Variants in ARHGAP20 observed in about 807,000 individuals in gnomAD.
ARHGAP20 encodes the protein Rho GTPase activating protein 20.
Under a neutral mutation model 73.7 loss-of-function variants are expected in ARHGAP20, and 34 were observed. The observed-to-expected ratio is 0.46, with a 90% CI of 0.35 to 0.61. The LOEUF (loss-of-function observed/expected upper bound fraction) is 0.61, where lower values mean the gene tolerates loss of function less well. Ranked by LOEUF, ARHGAP20 falls within the 20% of genes least tolerant of loss-of-function variation. The pLI is 0.00. For synonymous variants in ARHGAP20, 523 were observed against 518.2 expected (o/e 1.01, Z -0.13); for missense variants, 1,314 against 1,420.9 (o/e 0.92, Z 1.21).
intron 1 of ARHGAP20, among the ~76,000 whole-genome samples, chr11:110,704,004 C>T (rs1329315748): frequency 1.3e-5 from 2 of 151,860 alleles, no homozygotes; most frequent in African/African-American, 2.4e-5. Context: ...GACACAACCG[C>T]AACAGTTGGG....
Position 110,605,691 on chromosome 11 carries a change from C to CT in ARHGAP20, c.964+869dup, listed in dbSNP as rs547958350. The stretch of plus-strand genomic sequence containing the variant: ...TCACACACAGATGAAGAATTTCAGA[C>CT]TTTCCCCTGGCACTCAGATGATGCC... On this transcript the variant is annotated intron_variant, in intron 9 of 14. Coordinates refer to ENST00000683387, the MANE Select transcript of ARHGAP20 (RefSeq NM_001384657.1). 1.1e-3 allele frequency among the ~76,000 whole-genome samples: 160 copies of CT among 152,316 alleles called. 1 individual carries two copies. The highest frequency in any genetic ancestry group is 3.5e-3 in the African/African-American group (145 of 41,580).
chr11:110,584,908 T>TATATATGAATATATATGA (rs148560625), intron 12 of ARHGAP20, among the ~76,000 whole-genome samples: 7 of 148,804 alleles, frequency 4.7e-5, no homozygotes, highest in Non-Finnish European at 1.0e-4. Flanking sequence ...TATATGTGAA[T>TATATATGAATATATATGA]ATATATATGA....
chr11:110,693,136 T>C (rs544572496), intron 1 of ARHGAP20, among the ~76,000 whole-genome samples: 1 of 152,008 alleles, frequency 6.6e-6, no homozygotes, highest in African/African-American at 2.4e-5. Flanking sequence ...ATTTGTATAA[T>C]AGTGAATAGA....
rs1038271454 is a variant in ARHGAP20, at chr11:110,701,138, A to G, written c.106-10509T>C. ...GATGGCTGGGTCAAATGGTATTTCT[A>G]GTTCTAGATCCCTGAGGAATCGCCA... On this transcript the variant is annotated intron_variant, in intron 1 of 14. Coordinates refer to ENST00000683387, the MANE Select transcript of ARHGAP20 (RefSeq NM_001384657.1). Among the ~76,000 whole-genome samples the G allele has an allele frequency of 3.3e-3, 496 of 151,806 alleles. 5 individuals are homozygous for G. The highest frequency in any genetic ancestry group is 0.012 in the African/African-American group (479 of 41,180).
intron 9 of ARHGAP20, among the ~76,000 whole-genome samples, chr11:110,604,528 C>G (rs1296580888): frequency 6.6e-6 from 1 of 152,114 alleles, no homozygotes. Flanking sequence ...TTGAAAAACA[C>G]AGGTGCAAAG....
intron 1 of ARHGAP20, among the ~76,000 whole-genome samples, chr11:110,699,317 T>A (rs1282411490): frequency 6.6e-6 from 1 of 151,914 alleles, no homozygotes; most frequent in Non-Finnish European, 1.5e-5. Context: ...ACTTCTTTAA[T>A]GGCCAAGCAT....
chr11:110,605,724 T>G (rs118072709), intron 9 of ARHGAP20, among the ~76,000 whole-genome samples: 3,415 of 152,338 alleles, frequency 0.022, 59 homozygotes, highest in Non-Finnish European at 0.035. Flanking sequence ...GCCAATAATC[T>G]GTCAAGTGGC....
At chr11:110,646,616 T>C (rs1949199444) in intron 2 of ARHGAP20, among the ~76,000 whole-genome samples, 1 of 152,194 alleles carries the variant, frequency 6.6e-6, no homozygotes, top group Admixed American at 6.6e-5. Context: ...TAAAGGAATA[T>C]TTTAATCCAG....
Position 110,712,208 on chromosome 11 carries a change from C to A in ARHGAP20, c.24G>T (p.Gln8His). ...GCCCCGGCTGTCCCCCTAGAGTCTCCTGCTGGGGGGACATCGCTTCCATGA... is the reference window on the plus strand; with the variant it reads ...GCCCCGGCTGTCCCCCTAGAGTCTCATGCTGGGGGGACATCGCTTCCATGA... MEAMSPQ[Q>H]ETLGGQPGRS... The change falls in exon 1 of 15, where the codon CAG becomes CAT. Residue 8 changes from glutamine to histidine, a missense_variant. By Grantham distance (24) the Gln-to-His change is conservative. Transcript: ENST00000683387. 7.3e-7 allele frequency: 1 copy of A among 1,368,454 alleles called. No homozygotes were observed. Among genetic ancestry groups the A allele is most frequent in the Non-Finnish European group, 9.5e-7 (1 of 1,053,806 alleles). 84.8% of individuals were successfully genotyped at this position (1,368,454 alleles called of 1,614,324 possible).
intron 2 of ARHGAP20, among the ~76,000 whole-genome samples, chr11:110,680,162 T>A (rs960706807): frequency 2.6e-5 from 4 of 152,182 alleles, no homozygotes; most frequent in African/African-American, 7.2e-5. Context: ...AATTAACTCA[T>A]TTAATCCCCT....
At chr11:110,709,051 T>C (rs140886000) in intron 1 of ARHGAP20, among the ~76,000 whole-genome samples, 23 of 152,118 alleles carry the variant, frequency 1.5e-4, no homozygotes, top group Non-Finnish European at 2.8e-4. Flanking sequence ...CTCCCCTAAT[T>C]AGGAGAGAGG....
intron 1 of ARHGAP20, among the ~76,000 whole-genome samples, chr11:110,711,220 G>A (rs565778032): frequency 6.6e-6 from 1 of 152,086 alleles, no homozygotes; most frequent in African/African-American, 2.4e-5. Context: ...CACAGCGGCC[G>A]TGTTTATCGG....
chr11:110,620,784 A>G (rs564082077), intron 4 of ARHGAP20, among the ~76,000 whole-genome samples: 8 of 152,236 alleles, frequency 5.3e-5, no homozygotes, highest in African/African-American at 1.9e-4. Flanking sequence ...AATGTATTCC[A>G]TTGTCAGCTG....
chr11:110,588,043 T>C (rs1947716818), intron 11 of ARHGAP20, among the ~76,000 whole-genome samples: 4 of 152,214 alleles, frequency 2.6e-5, no homozygotes, highest in Admixed American at 2.0e-4. Flanking sequence ...GTGGAAAACA[T>C]ACTTATGATC....
In ARHGAP20 at chr11:110,582,364, G is replaced by C; in HGVS notation, c.1677C>G (p.Phe559Leu). Residue 559 changes from phenylalanine to leucine, a missense_variant, in exon 14 of 15, where the codon TTC becomes TTG. By Grantham distance (22) the Phe-to-Leu change is conservative. Coordinates refer to ENST00000683387, the MANE Select transcript of ARHGAP20 (RefSeq NM_001384657.1). ...TGTCACATCTCACTGAAACCTCTCTGAAGAGGGAAGTGATTTCTTCTCCAA... is the reference window on the plus strand; with the variant it reads ...TGTCACATCTCACTGAAACCTCTCTCAAGAGGGAAGTGATTTCTTCTCCAA... ...RIFGEEITSL[F>L]REVSVRCDTR... 1 of 1,613,828 alleles carries C rather than the reference G, an allele frequency of 6.2e-7. No individual in the cohort carries two copies. Among genetic ancestry groups the C allele is most frequent in the Non-Finnish European group, 8.5e-7 (1 of 1,179,720 alleles).
chr11:110,585,081 ATGAATATATGTGAATATATGAATATATG>A (rs1268198463), intron 12 of ARHGAP20, among the ~76,000 whole-genome samples: 1 of 150,298 alleles, frequency 6.7e-6, no homozygotes, highest in Non-Finnish European at 1.5e-5. Context: ...ATATGAATAC[ATGAATATATGTGAATATATGAATATATG>A]TGAATATATA....
intron 2 of ARHGAP20, among the ~76,000 whole-genome samples, chr11:110,660,062 A>AAAAAAAAAAAAAC (rs1565463983): frequency 8.8e-6 from 1 of 113,184 alleles, no homozygotes; most frequent in African/African-American, 4.4e-5. Flanking sequence ...AATAAAAAAC[A>AAAAAAAAAAAAAC]AAAAAAAAAA....
upstream of ARHGAP20, chr11:110,712,831 T>C (rs1326025488): frequency 6.6e-6 from 1 of 152,540 alleles, no homozygotes; most frequent in Non-Finnish European, 1.5e-5. Flanking sequence ...GGTGGCGACC[T>C]CAGCCTGAGC....
chr11:110,629,511 T>C (rs975283194), intron 3 of ARHGAP20, among the ~76,000 whole-genome samples: 5 of 151,980 alleles, frequency 3.3e-5, no homozygotes, highest in African/African-American at 1.2e-4. Context: ...AGTGCAAAGA[T>C]GTGGCTGGAG....
Sources: gnomAD v4.1 joint callset for allele counts (sites outside exome capture counted in the v4.1 genomes callset) on GRCh38, gnomAD v4.1.1 for gene constraint, MANE v1.5 for transcripts, NCBI Gene and HGNC (gene_info 2026-07-23, HGNC 2026-07-21) for gene names.